Variants in OPHN1 observed in about 807,000 individuals in gnomAD.
The protein encoded by OPHN1 is oligophrenin 1.
OPHN1 carries 11 observed loss-of-function variants against 60.7 expected under a neutral mutation model. The ratio of observed to expected loss-of-function variants is 0.18; its 90% CI spans 0.11 to 0.30. The LOEUF (loss-of-function observed/expected upper bound fraction) is 0.30. Among genes scored for constraint, OPHN1 ranks in the 10% least tolerant of loss-of-function variants. The pLI, the probability that OPHN1 is intolerant of heterozygous loss-of-function variation, is 1.00. For missense variants in OPHN1, 449 were observed against 611.0 expected, an observed-to-expected ratio of 0.73 and a Z score of 2.80; for synonymous variants, 226 against 222.6, an observed-to-expected ratio of 1.02 and a Z score of -0.14.
chrX:68,097,717 C>T (rs747576493), intron 18 of OPHN1, among the ~76,000 whole-genome samples: 1 of 110,902 alleles, frequency 9.0e-6, no homozygotes, highest in African/African-American at 3.3e-5. Context: ...ATGAGGCCTT[C>T]CATAACTTGA....
intron 2 of OPHN1, among the ~76,000 whole-genome samples, chrX:68,400,349 G>A (rs867748874): frequency 3.1e-4 from 35 of 111,344 alleles, no homozygotes; most frequent in African/African-American, 1.0e-3. Flanking sequence ...ACCCTCTACC[G>A]GTGATATTAT....
chrX:68,422,720 AAAGGAAGGAAGGAAGG>A (rs373179402), intron 2 of OPHN1, among the ~76,000 whole-genome samples: 1 of 87,807 alleles, frequency 1.1e-5, no homozygotes, highest in Admixed American at 1.3e-4. Flanking sequence ...AGAAAGAAAG[AAAGGAAGGAAGGAAGG>A]AAGGAAGGAA....
chrX:68,178,140 T>C (rs2077421935), intron 15 of OPHN1, among the ~76,000 whole-genome samples: 1 of 111,880 alleles, frequency 8.9e-6, no homozygotes, highest in Admixed American at 9.5e-5. Context: ...TTGCCTAGTC[T>C]GTGAACATGG....
intron 2 of OPHN1, among the ~76,000 whole-genome samples, chrX:68,301,692 T>C (rs2078121913): frequency 9.0e-6 from 1 of 111,641 alleles, no homozygotes; most frequent in Non-Finnish European, 1.9e-5. Flanking sequence ...CTCCAAACAA[T>C]GTGAACTCAT....
chrX:68,130,646 C>T (rs1464029893), intron 15 of OPHN1, among the ~76,000 whole-genome samples: 1 of 110,976 alleles, frequency 9.0e-6, no homozygotes. Context: ...ATATCCTCCA[C>T]AAAACAATAT....
At chrX:68,169,168 T>C (rs867623223) in intron 15 of OPHN1, among the ~76,000 whole-genome samples, 2 of 110,917 alleles carry the variant, frequency 1.8e-5, no homozygotes, top group Admixed American at 9.6e-5. Flanking sequence ...CATGAGTGAA[T>C]TCCCATTCAC....
chrX:68,379,550 G>T (rs2078582777), intron 2 of OPHN1, among the ~76,000 whole-genome samples: 1 of 104,933 alleles, frequency 9.5e-6, no homozygotes, highest in Admixed American at 1.0e-4. Context: ...CATTCAGTAT[G>T]ATATTGGCTG....
At chrX:68,070,755 C>A in intron 20 of OPHN1, 1 of 1,141,705 alleles carries the variant, frequency 8.8e-7, no homozygotes, top group Admixed American at 2.2e-5. Context: ...AAATACCCCC[C>A]ACAGGACCAT....
rs191017757 is a variant in OPHN1, at chrX:68,090,818, T to C, written c.1686+6052A>G. On this transcript the variant is annotated intron_variant, in intron 19 of 24. Coordinates refer to ENST00000355520, the MANE Select transcript of OPHN1 (RefSeq NM_002547.3). ...TTCAGTCTTCCATTTCCCTGAACCA[T>C]ATATCTTAAGCAGTAAGACTAAAAT... 5.4e-4 allele frequency among the ~76,000 whole-genome samples: 60 copies of C among 111,425 alleles called. 1 individual carries two copies. The East Asian group carries it at 0.012, about 21-fold the overall frequency.
intron 5 of OPHN1, among the ~76,000 whole-genome samples, chrX:68,272,832 T>C (rs2077975910): frequency 8.9e-6 from 1 of 112,559 alleles, no homozygotes; most frequent in Non-Finnish European, 1.9e-5. Flanking sequence ...ATCCTTACTT[T>C]CCTAGTGTTA....
At chrX:68,184,797 T>C (rs1490625028) in intron 15 of OPHN1, among the ~76,000 whole-genome samples, 1 of 110,562 alleles carries the variant, frequency 9.0e-6, no homozygotes, top group Non-Finnish European at 1.9e-5. Context: ...GGTTTCACCA[T>C]GTTGGCCAGG....
intron 2 of OPHN1, among the ~76,000 whole-genome samples, chrX:68,353,452 T>C (rs1258242195): frequency 9.7e-6 from 1 of 102,956 alleles, no homozygotes; most frequent in Non-Finnish European, 2.0e-5. Context: ...CGGGTGCCTG[T>C]AATCCCAGCT....
chrX:68,327,991 G>A lies in OPHN1; in HGVS notation c.155-28895C>T, dbSNP rs1435795329. On this transcript the variant is annotated intron_variant, in intron 2 of 24. Coordinates refer to ENST00000355520, the MANE Select transcript of OPHN1 (RefSeq NM_002547.3). ...ACTACAGGCGCCCGCCACCGCGCCCGGCTAATTTTTTGTATTTTTAGTAGA... is the reference window on the plus strand; with the variant it reads ...ACTACAGGCGCCCGCCACCGCGCCCAGCTAATTTTTTGTATTTTTAGTAGA... 5.0e-5 allele frequency among the ~76,000 whole-genome samples: 5 copies of A among 99,576 alleles called. No homozygotes were observed. The East Asian group carries it at 9.3e-4, about 18-fold the overall frequency. 86.5% of individuals were successfully genotyped at this position (99,576 alleles called of 115,157 possible). A position where few individuals can be genotyped will look rare whatever the true frequency, so the allele number is the denominator to read the frequency against.
chrX:68,204,054 A>G (rs2077547722), intron 10 of OPHN1, among the ~76,000 whole-genome samples: 1 of 112,583 alleles, frequency 8.9e-6, no homozygotes, highest in Non-Finnish European at 1.9e-5. Flanking sequence ...TTTATGAACT[A>G]CTTTATCATC....
intron 5 of OPHN1, among the ~76,000 whole-genome samples, chrX:68,244,248 A>G: frequency 8.9e-6 from 1 of 112,307 alleles, no homozygotes; most frequent in Non-Finnish European, 1.9e-5. Flanking sequence ...TCACACCTGA[A>G]GTGTCACATT....
intron 2 of OPHN1, among the ~76,000 whole-genome samples, chrX:68,352,120 G>A (rs915013831): frequency 9.2e-6 from 1 of 109,091 alleles, no homozygotes; most frequent in Admixed American, 1.0e-4. Flanking sequence ...TGATCTGCCC[G>A]CCTCAGCCTC....
At chrX:68,433,100 G>A in intron 1 of OPHN1, 68 bp downstream of exon 1, 1 of 1,014,257 alleles carries the variant, frequency 9.9e-7, no homozygotes, top group African/African-American at 1.9e-5. Flanking sequence ...AGGAAGTAGA[G>A]GGGACGGACT....
chrX:68,328,159 C>T (rs1334611985), intron 2 of OPHN1, among the ~76,000 whole-genome samples: 2 of 92,519 alleles, frequency 2.2e-5, no homozygotes, highest in African/African-American at 4.1e-5. Context: ...GACGGAGTCC[C>T]GCTCTGTCGC....
intron 15 of OPHN1, among the ~76,000 whole-genome samples, chrX:68,131,271 T>G: frequency 9.1e-6 from 1 of 109,456 alleles, no homozygotes; most frequent in East Asian, 2.8e-4. Context: ...TAGGCTGGAG[T>G]GCAGTGGTGC....
Sources: gnomAD v4.1 joint callset for allele counts (sites outside exome capture counted in the v4.1 genomes callset) on GRCh38, gnomAD v4.1.1 for gene constraint, MANE v1.5 for transcripts, NCBI Gene and HGNC (gene_info 2026-07-23, HGNC 2026-07-21) for gene names.